Variants in CACNA2D3 observed in about 807,000 individuals in gnomAD.
CACNA2D3 encodes the protein voltage-dependent calcium channel subunit alpha-2/delta-3.
CACNA2D3 carries 60 observed loss-of-function variants against 160.6 expected under a neutral mutation model. The ratio of observed to expected loss-of-function variants is 0.37; its 90% CI spans 0.30 to 0.46. The LOEUF is 0.46. Among genes scored for constraint, CACNA2D3 ranks in the 20% least tolerant of loss-of-function variants. CACNA2D3 has a pLI of 1.00. For missense variants in CACNA2D3, 1,205 were observed against 1,365.0 expected (o/e 0.88, Z 1.85); for synonymous variants, 558 against 492.9 (o/e 1.13, Z -1.75).
At chr3:54,711,597 A>G (rs1032302739) in intron 11 of CACNA2D3, among the ~76,000 whole-genome samples, 1 of 152,206 alleles carries the variant, frequency 6.6e-6, no homozygotes, top group African/African-American at 2.4e-5. Flanking sequence ...GCCAGAACCA[A>G]TCATTGGCAA....
intron 11 of CACNA2D3, among the ~76,000 whole-genome samples, chr3:54,674,800 G>T (rs1266134633): frequency 2.6e-5 from 4 of 152,190 alleles, no homozygotes; most frequent in African/African-American, 9.7e-5. Context: ...GCTGAGTTCA[G>T]AAAGTTAAGA....
At chr3:55,057,831 A>G (rs1470919216) in intron 35 of CACNA2D3, among the ~76,000 whole-genome samples, 1 of 152,202 alleles carries the variant, frequency 6.6e-6, no homozygotes, top group Non-Finnish European at 1.5e-5. Flanking sequence ...ATGGGAGAAT[A>G]GTTCTGATTT....
intron 9 of CACNA2D3, among the ~76,000 whole-genome samples, chr3:54,614,523 G>A (rs1698808917): frequency 6.6e-6 from 1 of 152,146 alleles, no homozygotes; most frequent in African/African-American, 2.4e-5. Context: ...CTTCTCAGAT[G>A]GCCATGTTAC....
chr3:54,807,499 A>G (rs1703164835), intron 13 of CACNA2D3, among the ~76,000 whole-genome samples: 1 of 152,188 alleles, frequency 6.6e-6, no homozygotes. Context: ...TCAAAACCAC[A>G]ATGAGATACC....
rs548979023 is a variant in CACNA2D3 at position 54,741,711 on chromosome 3, C to T, written c.1168-10888C>T. 9.6e-4 allele frequency among the ~76,000 whole-genome samples: 146 copies of T among 152,098 alleles called. 1 individual carries two copies. Among genetic ancestry groups the T allele is most frequent in the Non-Finnish European group, 1.6e-3 (106 of 68,006 alleles). On this transcript the variant is annotated intron_variant, in intron 11 of 37. Transcript: ENST00000474759. The stretch of plus-strand genomic sequence containing the variant: ...CTTTGGAGTTTTCCTTGGTGGTCCA[C>T]TGGACAATTTCTGTATTTGTACACT...
At chr3:54,537,759 T>C (rs991709897) in intron 5 of CACNA2D3, among the ~76,000 whole-genome samples, 1 of 152,170 alleles carries the variant, frequency 6.6e-6, no homozygotes, top group African/African-American at 2.4e-5. Flanking sequence ...TCCCTGTGGT[T>C]AGGCAGCACC....
intron 11 of CACNA2D3, among the ~76,000 whole-genome samples, chr3:54,649,302 T>C (rs903490560): frequency 3.9e-5 from 6 of 152,174 alleles, no homozygotes; most frequent in African/African-American, 1.4e-4. Flanking sequence ...AATGCTAGAC[T>C]TGACTGCCCC....
Position 55,074,391 on chromosome 3 carries a change from TA to T in CACNA2D3, c.*186del. 2.0e-6 allele frequency: 1 copy of T among 508,452 alleles called. No individual in the cohort carries two copies. 31.5% of individuals were successfully genotyped at this position (508,452 alleles called of 1,614,324 possible). On this transcript the variant is annotated 3_prime_UTR_variant, in exon 38 of 38. Coordinates refer to ENST00000474759, the MANE Select transcript of CACNA2D3 (RefSeq NM_018398.3). ...AAAGATATGTTGACAAAAAGTTATC[TA>T]TCATCTTTTTACTTTGCCAGTCATG...
intron 4 of CACNA2D3, among the ~76,000 whole-genome samples, chr3:54,415,511 A>G (rs971870321): frequency 3.3e-5 from 5 of 152,132 alleles, no homozygotes. Flanking sequence ...TGGTAATCCT[A>G]ATTTCTTCCA....
At position 54,150,688 on chromosome 3, in the gene CACNA2D3, C is replaced by T. The variant is rs143234877; in HGVS notation, c.204+27094C>T. Among the ~76,000 whole-genome samples the T allele has an allele frequency of 2.4e-4, 37 of 152,206 alleles. No homozygotes were observed. In the East Asian group the frequency reaches 5.8e-3, roughly 24 times the overall value. On this transcript the variant is annotated intron_variant, in intron 2 of 37. Transcript: ENST00000474759. ...CATGGTCAAATTACCCTGGAAGAGG[C>T]GTAAGTCATACATGAAAACAAAAAT...
chr3:54,838,810 G>T (rs1235701133), intron 16 of CACNA2D3, among the ~76,000 whole-genome samples, 162 bp downstream of exon 16: 1 of 148,588 alleles, frequency 6.7e-6, no homozygotes, highest in African/African-American at 2.5e-5. Flanking sequence ...TATTTAAAAG[G>T]TTTTTTTTTT....
Position 54,822,790 on chromosome 3 carries a change from C to CCTTTCTTTCTTTCTTT in CACNA2D3, c.1398+5949_1398+5964dup, listed in dbSNP as rs71096453. Among the ~76,000 whole-genome samples, 169 of 71,906 alleles carry CCTTTCTTTCTTTCTTT rather than the reference C, an allele frequency of 2.4e-3. 3 individuals are homozygous for CCTTTCTTTCTTTCTTT. The highest frequency in any genetic ancestry group is 4.2e-3 in the East Asian group (9 of 2,158). The allele number at this position is 71,906 out of a possible 152,430, so 47.2% of individuals were successfully genotyped here. On this transcript the variant is annotated intron_variant, in intron 14 of 37. Coordinates refer to ENST00000474759, the MANE Select transcript of CACNA2D3 (RefSeq NM_018398.3). ...TCTTTCTTTCTTTCTTTCTTTCTTT[C>CCTTTCTTTCTTTCTTT]CTTTCTTTCTTTCTTTCTTTCTTTC...
chr3:54,527,075 C>A (rs1255390843), intron 5 of CACNA2D3, among the ~76,000 whole-genome samples: 1 of 152,208 alleles, frequency 6.6e-6, no homozygotes, highest in African/African-American at 2.4e-5. Flanking sequence ...CTGCTTTGAT[C>A]AAATCCTTGC....
chr3:54,409,884 G>T (rs1699637048), intron 4 of CACNA2D3, among the ~76,000 whole-genome samples: 1 of 152,226 alleles, frequency 6.6e-6, no homozygotes, highest in Non-Finnish European at 1.5e-5. Flanking sequence ...GAAGCCATCT[G>T]TATAACATAA....
intron 3 of CACNA2D3, among the ~76,000 whole-genome samples, chr3:54,328,906 G>A (rs142186802): frequency 1.2e-3 from 186 of 152,324 alleles, no homozygotes; most frequent in African/African-American, 4.3e-3. Context: ...GGAGGAATCA[G>A]CTGGGAGCAT....
chr3:54,740,098 T>G (rs1235775248), intron 11 of CACNA2D3, among the ~76,000 whole-genome samples: 4 of 151,858 alleles, frequency 2.6e-5, no homozygotes, highest in Admixed American at 1.3e-4. Flanking sequence ...ACAAGTCAGT[T>G]GTCAGCAGCA....
At chr3:54,496,885 C>A (rs1194224264) in intron 4 of CACNA2D3, among the ~76,000 whole-genome samples, 1 of 152,104 alleles carries the variant, frequency 6.6e-6, no homozygotes, top group Non-Finnish European at 1.5e-5. Context: ...ACTGTCCTCA[C>A]TGAATTACCT....
intron 11 of CACNA2D3, among the ~76,000 whole-genome samples, chr3:54,725,881 C>G (rs963508077): frequency 2.0e-4 from 30 of 152,208 alleles, no homozygotes; most frequent in Admixed American, 5.2e-4. Context: ...CTCACCACTC[C>G]TATTCAACAT....
At chr3:54,171,299 C>T (rs1234230945) in intron 2 of CACNA2D3, among the ~76,000 whole-genome samples, 4 of 151,848 alleles carry the variant, frequency 2.6e-5, no homozygotes, top group Non-Finnish European at 1.5e-5. Flanking sequence ...AAACCAAATT[C>T]TCGAGTGCTA....
Sources: gnomAD v4.1 joint callset for allele counts (sites outside exome capture counted in the v4.1 genomes callset) on GRCh38, gnomAD v4.1.1 for gene constraint, MANE v1.5 for transcripts, NCBI Gene and HGNC (gene_info 2026-07-23, HGNC 2026-07-21) for gene names.